Variants in SEC23B observed in about 807,000 individuals in gnomAD.
SEC23B encodes protein transport protein Sec23B.
In SEC23B, 77 loss-of-function variants were observed where a neutral mutation model predicts 104.3. The observed-to-expected ratio is 0.74, with a 90% CI of 0.61 to 0.89. The LOEUF (loss-of-function observed/expected upper bound fraction) is 0.89, where lower values mean the gene tolerates loss of function less well. Among genes scored for constraint, SEC23B ranks in the 40% least tolerant of loss-of-function variants. The probability of loss-of-function intolerance (pLI) is 0.00; values close to 1 mark genes in which losing one functional copy is unlikely to be tolerated. For synonymous variants in SEC23B, 338 were observed against 332.5 expected, an observed-to-expected ratio of 1.02 and a Z score of -0.18; for missense variants, 885 against 949.4, an observed-to-expected ratio of 0.93 and a Z score of 0.89.
chr20:18,537,503 G>A (rs908801993), intron 12 of SEC23B, among the ~76,000 whole-genome samples: 38 of 152,040 alleles, frequency 2.5e-4, no homozygotes, highest in Middle Eastern at 3.4e-3. Context: ...AAAAAACACC[G>A]CATGTTCTCA....
intron 3 of SEC23B, among the ~76,000 whole-genome samples, chr20:18,512,942 T>C (rs1366637691): frequency 2.6e-5 from 4 of 151,844 alleles, no homozygotes; most frequent in Admixed American, 6.6e-5. Context: ...TCTCAGCACT[T>C]TGGGAGGCTG....
intron 2 of SEC23B, among the ~76,000 whole-genome samples, chr20:18,511,429 G>A (rs2059981215): frequency 2.0e-5 from 3 of 152,076 alleles, no homozygotes; most frequent in East Asian, 1.9e-4. Context: ...CATGCTTCCC[G>A]GGTACAGTGA....
At chr20:18,558,467 G>C (rs918707346) in intron 19 of SEC23B, among the ~76,000 whole-genome samples, 1 of 152,138 alleles carries the variant, frequency 6.6e-6, no homozygotes, top group African/African-American at 2.4e-5. Flanking sequence ...TGCCAAATAG[G>C]AAAGTTTTCA....
intron 11 of SEC23B, among the ~76,000 whole-genome samples, chr20:18,534,602 A>G (rs188363270): frequency 6.6e-6 from 1 of 152,364 alleles, no homozygotes; most frequent in Admixed American, 6.5e-5. Flanking sequence ...CCCCTTTGCC[A>G]TTAGCAGGCA....
At chr20:18,520,766 A>C (rs966597355) in intron 4 of SEC23B, among the ~76,000 whole-genome samples, 1 of 151,966 alleles carries the variant, frequency 6.6e-6, no homozygotes, top group Non-Finnish European at 1.5e-5. Flanking sequence ...CTGATTAAGA[A>C]GGCGACGGAC....
At chr20:18,545,422 C>A (rs2060323400) in intron 14 of SEC23B, among the ~76,000 whole-genome samples, 1 of 152,216 alleles carries the variant, frequency 6.6e-6, no homozygotes, top group East Asian at 1.9e-4. Flanking sequence ...GGAAGGACAC[C>A]AGATTTTGTG....
At chr20:18,541,352 C>T (rs116269326) in intron 12 of SEC23B, among the ~76,000 whole-genome samples, 212 of 152,364 alleles carry the variant, frequency 1.4e-3, no homozygotes, top group African/African-American at 4.9e-3. Flanking sequence ...TTTTAATTTC[C>T]TTCAAGAACT....
At chr20:18,525,659 A>G in intron 6 of SEC23B, 129 bp from the exon 7 acceptor site, 2 of 974,682 alleles carry the variant, frequency 2.1e-6, no homozygotes, top group Non-Finnish European at 3.2e-6. Context: ...ATAGCTTTGA[A>G]GAAAAAAATT....
rs369857202 is a variant in SEC23B, at chr20:18,554,440, T to C, written c.2148+50T>C. The C allele has an allele frequency of 2.5e-6, 4 of 1,589,506 alleles. No homozygotes were observed. In the African/African-American group the frequency reaches 5.4e-5, roughly 21 times the overall value. ...AGTGGTTTGTTCGTTTTATGATAGATTGTTATTGCTATACATCTAAACAGG... is the reference window on the plus strand; with the variant it reads ...AGTGGTTTGTTCGTTTTATGATAGACTGTTATTGCTATACATCTAAACAGG... On this transcript the variant is annotated intron_variant, in intron 18 of 19. Coordinates refer to ENST00000650089, the MANE Select transcript of SEC23B (RefSeq NM_006363.6).
chr20:18,531,523 G>C (rs531895880), intron 10 of SEC23B, among the ~76,000 whole-genome samples: 1 of 152,150 alleles, frequency 6.6e-6, no homozygotes, highest in African/African-American at 2.4e-5. Context: ...GGGCGTGGTG[G>C]CACATGCCTG....
At chr20:18,538,668 A>C (rs919755840) in intron 12 of SEC23B, among the ~76,000 whole-genome samples, 1 of 152,144 alleles carries the variant, frequency 6.6e-6, no homozygotes, top group Non-Finnish European at 1.5e-5. Flanking sequence ...CCACAGTAGA[A>C]CTTCTTTAAA....
Position 18,535,694 on chromosome 20 carries a change from C to T in SEC23B, c.1356C>T (p.Gly452=), listed in dbSNP as rs1482315815. The part of the protein sequence containing the change: ...VGGTSQWKIC[G]LDPTSTLGIY... ...GCACGAGTCAGTGGAAAATCTGTGG[C>T]CTAGATCCTACATCTACACTTGGCA... The change falls in exon 12 of 20, where the codon GGC becomes GGT. Residue 452 remains glycine, a synonymous_variant. Transcript: ENST00000650089. 6.2e-7 allele frequency: 1 copy of T among 1,613,658 alleles called. No individual in the cohort carries two copies.
chr20:18,560,528 T>G, intron 19 of SEC23B, 123 bp from the exon 20 acceptor site: 1 of 758,628 alleles, frequency 1.3e-6, no homozygotes, highest in Non-Finnish European at 2.4e-6. Context: ...GATGGGGTGA[T>G]GGGAGTACTC....
chr20:18,542,382 C>T lies in SEC23B; in HGVS notation c.1491C>T (p.Arg497=), dbSNP rs778443189. ...YQHSSTQRRI[R]VTTIARNWAD... is the part of the protein sequence containing the mutation. ...ACTCCAGCACCCAGAGACGCATCCG[C>T]GTGACCACCATCGCCCGAAAGTAAG... Residue 497 remains arginine, a synonymous_variant, in exon 13 of 20, where the codon CGC becomes CGT. Transcript: ENST00000650089. The T allele has an allele frequency of 3.7e-5, 60 of 1,614,106 alleles. No homozygotes were observed. The highest frequency in any genetic ancestry group is 4.6e-5 in the Non-Finnish European group (54 of 1,180,026).
At chr20:18,550,345 T>C (rs1294149171) in intron 16 of SEC23B, among the ~76,000 whole-genome samples, 6 of 151,930 alleles carry the variant, frequency 3.9e-5, no homozygotes, top group African/African-American at 1.5e-4. Flanking sequence ...TTGGTAGAGA[T>C]GGGGTTTTGC....
intron 12 of SEC23B, 100 bp downstream of exon 12, chr20:18,535,842 TC>T (rs2060225870): frequency 1.1e-6 from 1 of 896,640 alleles, no homozygotes; most frequent in African/African-American, 1.6e-5. Context: ...AAACCAATAT[TC>T]CTTGGGTATT....
chr20:18,554,972 CTAATTA>C lies in SEC23B; in HGVS notation c.2149-135_2149-130del. ...TAGATTACTGTGCAGTAAAACAATT[CTAATTA>C]GATTACTGTGCAGTAAAACAATTCT... On this transcript the variant is annotated intron_variant, in intron 18 of 19. Transcript: ENST00000650089. The C allele has an allele frequency of 4.3e-5, 3 of 69,836 alleles. 1 individual carries two copies. The highest frequency in any genetic ancestry group is 4.2e-4 in the South Asian group (2 of 4,762). 4.3% of individuals were successfully genotyped at this position (69,836 alleles called of 1,614,324 possible).
rs1335726739 is a variant in SEC23B at position 18,524,575 on chromosome 20, G to A, written c.509G>A (p.Gly170Glu). 3.1e-6 allele frequency: 5 copies of A among 1,614,204 alleles called. No individual in the cohort carries two copies. ...GCTCTGGTGGGTCTGATCACATTTG[G>A]AAGGATGGTGCAGGTTCATGAGCTA... ...PDALVGLITFGRMVQVHELSC... is the reference protein window; with the variant it reads ...PDALVGLITFERMVQVHELSC... Residue 170 changes from glycine to glutamate, a missense_variant, in exon 5 of 20, where the codon GGA becomes GAA. Gly to Glu is a moderately conservative substitution (Grantham distance 98). Transcript: ENST00000650089.
At position 18,508,703 on chromosome 20, in the gene SEC23B, G is replaced by C. The variant is rs1336049799; in HGVS notation, c.-15+731G>C. On this transcript the variant is annotated intron_variant, in intron 1 of 19. Coordinates refer to ENST00000650089, the MANE Select transcript of SEC23B (RefSeq NM_006363.6). ...GTACATGCTTGGAAACCATTAGATG[G>C]AGGCAGTAGCTTCTTTTTTTTTTTT... Among the ~76,000 whole-genome samples the C allele has an allele frequency of 8.2e-5, 12 of 146,480 alleles. No homozygotes were observed. In the Admixed American group the frequency reaches 8.4e-4, roughly 10 times the overall value.
Sources: allele counts gnomAD v4.1 joint callset (sites outside exome capture counted in the v4.1 genomes callset), GRCh38; gene constraint gnomAD v4.1.1; transcripts MANE v1.5; gene names NCBI Gene and HGNC (gene_info 2026-07-23, HGNC 2026-07-21).